The following SNTA1 variants were observed in gnomAD, a reference collection of about 807,000 sequenced individuals.
SNTA1 encodes the protein syntrophin alpha 1, also known as alpha-1-syntrophin.
Under a neutral mutation model 47.1 loss-of-function variants are expected in SNTA1, and 31 were observed. The observed-to-expected ratio is 0.66, with a 90% CI of 0.49 to 0.89. The LOEUF is 0.89. Among genes scored for constraint, SNTA1 ranks in the 40% least tolerant of loss-of-function variants. The pLI is 0.00. For missense variants in SNTA1, 575 were observed against 693.0 expected (o/e 0.83, Z 1.91); for synonymous variants, 300 against 313.6 (o/e 0.96, Z 0.46).
intron 2 of SNTA1, among the ~76,000 whole-genome samples, chr20:33,424,859 G>A (rs543210005): frequency 6.6e-6 from 1 of 150,732 alleles, no homozygotes; most frequent in South Asian, 2.2e-4. Flanking sequence ...GCTCGTGCCT[G>A]TAATCCCAGC....
At chr20:33,438,615 C>A (rs894086676) in intron 2 of SNTA1, among the ~76,000 whole-genome samples, 1 of 152,204 alleles carries the variant, frequency 6.6e-6, no homozygotes, top group African/African-American at 2.4e-5. Context: ...CAGCTAGTGA[C>A]TGGAAGACAG....
chr20:33,432,516 A>G (rs959347925), intron 2 of SNTA1, among the ~76,000 whole-genome samples: 1 of 152,168 alleles, frequency 6.6e-6, no homozygotes, highest in African/African-American at 2.4e-5. Context: ...TCAGTGCCAG[A>G]CCTGGGGGCT....
chr20:33,429,595 ACTCCAGCC>A (rs1990245957), intron 2 of SNTA1, among the ~76,000 whole-genome samples: 1 of 151,940 alleles, frequency 6.6e-6, no homozygotes. Context: ...ATGCCATTGC[ACTCCAGCC>A]TGGCCAACAA....
At chr20:33,433,170 T>G (rs922383927) in intron 2 of SNTA1, among the ~76,000 whole-genome samples, 1 of 152,076 alleles carries the variant, frequency 6.6e-6, no homozygotes, top group Non-Finnish European at 1.5e-5. Flanking sequence ...CCTCAGGTGG[T>G]CCACCCACCT....
chr20:33,442,243 G>A (rs1990595823), intron 1 of SNTA1, among the ~76,000 whole-genome samples: 1 of 152,040 alleles, frequency 6.6e-6, no homozygotes, highest in South Asian at 2.1e-4. Flanking sequence ...CATCCCCACC[G>A]CCTCAGCCAA....
In SNTA1 at chr20:33,412,388, T is replaced by C. The variant is rs1989761544; in HGVS notation, c.948A>G (p.Leu316=). 1 of 1,611,164 alleles carries C rather than the reference T, an allele frequency of 6.2e-7. No homozygotes were observed. Among genetic ancestry groups the C allele is most frequent in the South Asian group, 1.1e-5 (1 of 90,434 alleles). ...SGGTAPTLAL[L]TEKELLLYLS... Reference sequence around the variant, plus strand: ...AGTAGAGGAGCAGTTCCTTTTCAGTTAGCAGGGCCAGGGTGGGGGCTGTGC... The same window carrying C: ...AGTAGAGGAGCAGTTCCTTTTCAGTCAGCAGGGCCAGGGTGGGGGCTGTGC... Residue 316 remains leucine (L), a synonymous_variant, in exon 5 of 8, where the codon CTA becomes CTG. Transcript: ENST00000217381.
At chr20:33,433,263 C>CTTTTTTTTTTTTTTTTTTTTTT (rs1227520975) in intron 2 of SNTA1, among the ~76,000 whole-genome samples, 1 of 138,752 alleles carries the variant, frequency 7.2e-6, no homozygotes. Context: ...TCGGGTTTTT[C>CTTTTTTTTTTTTTTTTTTTTTT]TTTTTTCTTT....
chr20:33,426,214 T>C (rs1482816167), intron 2 of SNTA1, among the ~76,000 whole-genome samples: 1 of 150,298 alleles, frequency 6.7e-6, no homozygotes, highest in African/African-American at 2.4e-5. Context: ...TTTGGGAGGC[T>C]GAGGTGGGCA....
chr20:33,434,659 T>C (rs995292301), intron 2 of SNTA1, among the ~76,000 whole-genome samples: 3 of 151,944 alleles, frequency 2.0e-5, no homozygotes, highest in Non-Finnish European at 4.4e-5. Context: ...TCCTTCCAAA[T>C]ATGGAACTCA....
chr20:33,408,075 C>T lies in SNTA1; in HGVS notation c.*432G>A, dbSNP rs774569439. Reference sequence around the variant, plus strand: ...ACGGTGGCAGGGCTGAGGGGAAAAACAAACAGAAAATCTCCTCTTCTTTCT... The same window carrying T: ...ACGGTGGCAGGGCTGAGGGGAAAAATAAACAGAAAATCTCCTCTTCTTTCT... On this transcript the variant is annotated 3_prime_UTR_variant, in exon 8 of 8. Transcript: ENST00000217381. The T allele has an allele frequency of 1.2e-5, 3 of 242,766 alleles. No homozygotes were observed. Among genetic ancestry groups the T allele is most frequent in the Admixed American group, 5.0e-5 (1 of 20,140 alleles). The allele number at this position is 242,766 out of a possible 1,614,324, so 15.0% of individuals were successfully genotyped here.
At chr20:33,438,773 G>T in intron 2 of SNTA1, 68 bp downstream of exon 2, 1 of 1,337,612 alleles carries the variant, frequency 7.5e-7, no homozygotes, top group Non-Finnish European at 1.1e-6. Context: ...TCTGAGGCCT[G>T]GGGGAGGTAG....
At chr20:33,439,105 T>A in intron 1 of SNTA1, 79 bp from the exon 2 acceptor site, 1 of 1,313,952 alleles carries the variant, frequency 7.6e-7, no homozygotes. Context: ...CAATTATTTC[T>A]GAAGGCTTCC....
At position 33,408,744 on chromosome 20, in the gene SNTA1, G is replaced by A. The variant is rs1299230902; in HGVS notation, c.1382C>T (p.Ala461Val). 6.2e-7 allele frequency: 1 copy of A among 1,613,986 alleles called. No individual in the cohort carries two copies. Among genetic ancestry groups the A allele is most frequent in the Admixed American group, 1.7e-5 (1 of 59,992 alleles). ...TCCAAAATCCAGGAAAAGGAGACTG[G>A]CACCGTCATCTGAAGACATCTGCAG... Reference protein sequence around the residue: ...EKLQMSSDDGASLLFLDFGGA... With the variant: ...EKLQMSSDDGVSLLFLDFGGA... The change falls in exon 7 of 8, where the codon GCC becomes GTC. Residue 461 changes from alanine to valine, a missense_variant. By Grantham distance (64) the Ala-to-Val change is moderately conservative. Coordinates refer to ENST00000217381, the MANE Select transcript of SNTA1 (RefSeq NM_003098.3).
chr20:33,408,689 C>T lies in SNTA1; in HGVS notation c.1425+12G>A. 1.2e-6 allele frequency: 2 copies of T among 1,613,672 alleles called. No individual in the cohort carries two copies. The highest frequency in any genetic ancestry group is 8.5e-7 in the Non-Finnish European group (1 of 1,179,596). ...CCTCCTCCCCAGGGTGCAGAGGCAG[C>T]CCCTCACTCACGATCTCGCCTTCAG... On this transcript the variant is annotated intron_variant, in intron 7 of 7. Transcript: ENST00000217381.
intron 1 of SNTA1, among the ~76,000 whole-genome samples, chr20:33,439,733 C>T (rs906202661): frequency 2.0e-5 from 3 of 152,120 alleles, no homozygotes; most frequent in Admixed American, 1.3e-4. Context: ...ACCTGTAATC[C>T]CAACACTTTG....
At chr20:33,419,197 G>A (rs961056156) in intron 2 of SNTA1, among the ~76,000 whole-genome samples, 3 of 151,996 alleles carry the variant, frequency 2.0e-5, no homozygotes, top group Non-Finnish European at 4.4e-5. Flanking sequence ...CTGCTAGCCC[G>A]TGGGCAGCCT....
intron 2 of SNTA1, among the ~76,000 whole-genome samples, chr20:33,421,535 A>C (rs291688): frequency 0.91 from 139,149 of 152,154 alleles, 63,792 homozygotes; most frequent in African/African-American, 0.96. Flanking sequence ...TTGCTTGAAC[A>C]CAGGAGGCAA....
At chr20:33,431,419 A>G (rs148441959) in intron 2 of SNTA1, among the ~76,000 whole-genome samples, 1 of 152,074 alleles carries the variant, frequency 6.6e-6, no homozygotes, top group Non-Finnish European at 1.5e-5. Flanking sequence ...CAATGTACCT[A>G]ATTCACAGGG....
intron 3 of SNTA1, among the ~76,000 whole-genome samples, chr20:33,415,792 CAA>C (rs781029559): frequency 6.1e-5 from 8 of 130,422 alleles, no homozygotes; most frequent in Non-Finnish European, 5.0e-5. Context: ...GACTCTGTCC[CAA>C]AAAAAAAAAA....
Sources: allele counts gnomAD v4.1 joint callset (sites outside exome capture counted in the v4.1 genomes callset), GRCh38; gene constraint gnomAD v4.1.1; transcripts MANE v1.5; gene names NCBI Gene and HGNC (gene_info 2026-07-23, HGNC 2026-07-21).